The following OTUD7A variants were observed in gnomAD, a reference collection of about 807,000 sequenced individuals.
OTUD7A encodes the protein OTU domain-containing protein 7A.
A neutral mutation model predicts 65.7 loss-of-function variants in OTUD7A; 12 were observed. The ratio of observed to expected loss-of-function variants is 0.18; its 90% CI spans 0.12 to 0.30. The LOEUF (loss-of-function observed/expected upper bound fraction) is 0.30. Among genes scored for constraint, OTUD7A ranks in the 10% least tolerant of loss-of-function variants. The pLI is 1.00. For synonymous variants in OTUD7A, 641 were observed against 586.3 expected, an observed-to-expected ratio of 1.09 and a Z score of -1.35; for missense variants, 1,148 against 1,304.8, an observed-to-expected ratio of 0.88 and a Z score of 1.85.
At chr15:31,837,684 T>C (rs1307821858) in intron 1 of OTUD7A, among the ~76,000 whole-genome samples, 1 of 152,248 alleles carries the variant, frequency 6.6e-6, no homozygotes, top group African/African-American at 2.4e-5. Context: ...ACCATATTCA[T>C]AGATTAGATG....
chr15:31,593,652 G>A (rs1446202591), intron 3 of OTUD7A, among the ~76,000 whole-genome samples: 4 of 152,176 alleles, frequency 2.6e-5, no homozygotes, highest in South Asian at 4.1e-4. Context: ...GGAGGTCAGC[G>A]GGGCTGGGCT....
Position 31,835,749 on chromosome 15 carries a change from T to C in OTUD7A, c.-100+34758A>G, listed in dbSNP as rs1897040544. ...ATACATGTACACACATATATATACA[T>C]ACACACATACATATATCTGTATACA... is the stretch of plus-strand genomic sequence containing the variant. On this transcript the variant is annotated intron_variant, in intron 1 of 12. Coordinates refer to ENST00000307050, the MANE Select transcript of OTUD7A (RefSeq NM_001382637.1). Among the ~76,000 whole-genome samples the C allele has an allele frequency of 1.3e-5, 2 of 152,072 alleles. 1 individual carries two copies. The highest frequency in any genetic ancestry group is 4.8e-5 in the African/African-American group (2 of 41,404).
intron 3 of OTUD7A, among the ~76,000 whole-genome samples, chr15:31,589,344 G>A (rs1889647582): frequency 6.6e-6 from 1 of 150,932 alleles, no homozygotes; most frequent in Non-Finnish European, 1.5e-5. Flanking sequence ...CTGTCACACA[G>A]GCTGGCGTGT....
intron 1 of OTUD7A, among the ~76,000 whole-genome samples, chr15:31,674,580 C>A (rs550302497): frequency 7.9e-5 from 12 of 152,134 alleles, no homozygotes; most frequent in Non-Finnish European, 1.2e-4. Context: ...AAATTCCTAG[C>A]ACCCAGGGAT....
rs1248104829 is a variant in OTUD7A, at chr15:31,603,379, C to A, written c.152-33182G>T. Among the ~76,000 whole-genome samples, 6 of 152,312 alleles carry A rather than the reference C, an allele frequency of 3.9e-5. 1 individual carries two copies. In the East Asian group the frequency reaches 1.2e-3, roughly 29 times the overall value. The stretch of plus-strand genomic sequence containing the variant: ...TATTTAATAAATAGTGTTGGGAAAA[C>A]TGGCTAGCCATATGCAGAAAACTGA... On this transcript the variant is annotated intron_variant, in intron 3 of 12. Coordinates refer to ENST00000307050, the MANE Select transcript of OTUD7A (RefSeq NM_001382637.1).
intron 3 of OTUD7A, among the ~76,000 whole-genome samples, chr15:31,629,559 TTGTG>T (rs1891075516): frequency 6.6e-6 from 1 of 152,214 alleles, no homozygotes; most frequent in Admixed American, 6.5e-5. Flanking sequence ...ATTCTCTTTT[TTGTG>T]TGTGTCTCTG....
chr15:31,675,505 C>T (rs1036844609), intron 1 of OTUD7A, among the ~76,000 whole-genome samples: 32 of 152,138 alleles, frequency 2.1e-4, no homozygotes, highest in African/African-American at 2.2e-4. Flanking sequence ...CATTATACCA[C>T]GTTGAAACAA....
At chr15:31,770,618 T>C (rs1433191132) in intron 1 of OTUD7A, among the ~76,000 whole-genome samples, 1 of 152,186 alleles carries the variant, frequency 6.6e-6, no homozygotes, top group African/African-American at 2.4e-5. Context: ...AAAGAAACTA[T>C]AGGCCAATAT....
chr15:31,623,776 A>G (rs1214129418), intron 3 of OTUD7A, among the ~76,000 whole-genome samples: 2 of 152,080 alleles, frequency 1.3e-5, no homozygotes, highest in African/African-American at 4.8e-5. Flanking sequence ...ACTGTCCTGC[A>G]CCCACTGTCT....
chr15:31,574,086 A>G (rs969192505), intron 3 of OTUD7A, among the ~76,000 whole-genome samples: 2 of 152,182 alleles, frequency 1.3e-5, no homozygotes, highest in African/African-American at 2.4e-5. Context: ...ATTGAGGCAT[A>G]TAGGGAATAA....
intron 3 of OTUD7A, among the ~76,000 whole-genome samples, chr15:31,608,194 C>A (rs1466450466): frequency 6.6e-6 from 1 of 152,038 alleles, no homozygotes; most frequent in Non-Finnish European, 1.5e-5. Context: ...TTGCAGTGAG[C>A]TGAGATTGTG....
chr15:31,626,236 C>A (rs879072519), intron 3 of OTUD7A, among the ~76,000 whole-genome samples: 1 of 151,966 alleles, frequency 6.6e-6, no homozygotes, highest in African/African-American at 2.4e-5. Flanking sequence ...AATAGCCAGG[C>A]GGAAACATTT....
intron 1 of OTUD7A, among the ~76,000 whole-genome samples, chr15:31,687,450 G>T (rs1157490444): frequency 1.3e-5 from 2 of 152,166 alleles, no homozygotes; most frequent in African/African-American, 4.8e-5. Context: ...TCGCCCATGT[G>T]TCTTGTGTCT....
intron 4 of OTUD7A, among the ~76,000 whole-genome samples, chr15:31,560,402 ATT>A (rs1412028702): frequency 1.3e-5 from 2 of 152,202 alleles, no homozygotes; most frequent in Non-Finnish European, 2.9e-5. Flanking sequence ...GCAGTGTAGG[ATT>A]TCTCTAAGGT....
intron 1 of OTUD7A, among the ~76,000 whole-genome samples, chr15:31,773,170 G>A (rs141739881): frequency 6.6e-6 from 1 of 152,180 alleles, no homozygotes; most frequent in South Asian, 2.1e-4. Flanking sequence ...ACTGAAGATG[G>A]AGTTTTGTTT....
intron 1 of OTUD7A, among the ~76,000 whole-genome samples, chr15:31,699,947 T>A (rs1455218223): frequency 6.6e-6 from 1 of 151,842 alleles, no homozygotes; most frequent in East Asian, 1.9e-4. Context: ...TCACAATAAT[T>A]GCTGTCCACT....
At chr15:31,714,993 G>A (rs1344298790) in intron 1 of OTUD7A, among the ~76,000 whole-genome samples, 2 of 120,522 alleles carry the variant, frequency 1.7e-5, no homozygotes, top group Admixed American at 8.8e-5. Context: ...AAAATTAGCC[G>A]GGTGTGGTGG....
chr15:31,850,831 A>G (rs1176649868), intron 1 of OTUD7A, among the ~76,000 whole-genome samples: 1 of 152,190 alleles, frequency 6.6e-6, no homozygotes, highest in Non-Finnish European at 1.5e-5. Flanking sequence ...AGAAGCAAAT[A>G]CAACCTCATT....
At chr15:31,586,689 G>A (rs191192008) in intron 3 of OTUD7A, among the ~76,000 whole-genome samples, 2 of 152,196 alleles carry the variant, frequency 1.3e-5, no homozygotes, top group African/African-American at 2.4e-5. Flanking sequence ...CTCATTCCCC[G>A]ACTCCCACCA....
Sources: gnomAD v4.1 joint callset for allele counts (sites outside exome capture counted in the v4.1 genomes callset) on GRCh38, gnomAD v4.1.1 for gene constraint, MANE v1.5 for transcripts, NCBI Gene and HGNC (gene_info 2026-07-23, HGNC 2026-07-21) for gene names.